ZNF281: variants seen among roughly 807,000 people sequenced by gnomAD.
ZNF281 encodes the protein zinc finger protein 281, also known as GC-box-binding zinc finger protein 1.
ZNF281 carries 2 observed loss-of-function variants against 58.8 expected under a neutral mutation model. The ratio of observed to expected loss-of-function variants is 0.03; its 90% confidence interval spans 0.01 to 0.11. The LOEUF is 0.11. Ranked by LOEUF, ZNF281 falls within the 10% of genes least tolerant of loss-of-function variation. The pLI is 1.00. For synonymous variants in ZNF281, 465 were observed against 407.7 expected, an observed-to-expected ratio of 1.14 and a Z score of -1.69; for missense variants, 975 against 1,090.7, an observed-to-expected ratio of 0.89 and a Z score of 1.49.
Position 200,408,950 on chromosome 1 carries a change from G to A in ZNF281, c.756C>T (p.Ala252=). The change falls in exon 2 of 2, where the codon GCC becomes GCT. Residue 252 remains alanine, a synonymous_variant. Coordinates refer to ENST00000367353, the MANE Select transcript of ZNF281 (RefSeq NM_001281293.2). ...GAGGTTTCTGACTTGGGGAGAGGAT[G>A]GCACCTTCTCCATCTCCAACCAAAG... The part of the protein sequence containing the change: ...KPSLVGDGEG[A]ILSPSQKPHI... 1 of 1,614,240 alleles carries A rather than the reference G, an allele frequency of 6.2e-7. No homozygotes were observed. The highest frequency in any genetic ancestry group is 8.5e-7 in the Non-Finnish European group (1 of 1,180,048).
Position 200,408,788 on chromosome 1 carries a change from T to C in ZNF281, c.918A>G (p.Arg306=), listed in dbSNP as rs1654525728. ...TCTCTCTACTATGAATTTTCTCATG[T>C]CTCTGTAGTAGGTATTTCTGAATGA... ...MGFIQKYLLQ[R]HEKIHSREKP... Residue 306 remains arginine (R), a synonymous_variant, in exon 2 of 2, where the codon AGA becomes AGG. Coordinates refer to ENST00000367353, the MANE Select transcript of ZNF281 (RefSeq NM_001281293.2). 6.2e-7 allele frequency: 1 copy of C among 1,614,080 alleles called. No homozygotes were observed. The highest frequency in any genetic ancestry group is 1.1e-5 in the South Asian group (1 of 91,094).
rs776874047 is a variant in ZNF281 at position 200,409,067 on chromosome 1, C to T, written c.639G>A (p.Lys213=). 1.4e-5 allele frequency: 23 copies of T among 1,614,048 alleles called. No homozygotes were observed. In the Middle Eastern group the frequency reaches 6.6e-4, roughly 46 times the overall value. Residue 213 remains lysine, a synonymous_variant, in exon 2 of 2, where the codon AAG becomes AAA. Coordinates refer to ENST00000367353, the MANE Select transcript of ZNF281 (RefSeq NM_001281293.2). ...TDDHHGTEEP[K]QDTNVKKAKR... ...TTGCCTTTTTGACATTAGTGTCCTGCTTTGGCTCCTCAGTGCCATGGTGGT... is the reference window on the plus strand; with the variant it reads ...TTGCCTTTTTGACATTAGTGTCCTGTTTTGGCTCCTCAGTGCCATGGTGGT...
In ZNF281 at chr1:200,407,700, G is replaced by A; in HGVS notation, c.2006C>T (p.Ser669Phe). 1 of 1,614,180 alleles carries A rather than the reference G, an allele frequency of 6.2e-7. No individual in the cohort carries two copies. The highest frequency in any genetic ancestry group is 8.5e-7 in the Non-Finnish European group (1 of 1,180,034). Residue 669 changes from serine (S) to phenylalanine (F), a missense_variant, in exon 2 of 2, where the codon TCC becomes TTC. Coordinates refer to ENST00000367353, the MANE Select transcript of ZNF281 (RefSeq NM_001281293.2). The stretch of plus-strand genomic sequence containing the variant: ...TTCAAAAGCCTGTTGGAGGTATTTG[G>A]AGTATTCTTGCAACATACTTGCTTT... ...NDKASMLQEYSKYLQQAFEKS... is the reference protein window; with the variant it reads ...NDKASMLQEYFKYLQQAFEKS...
At position 200,409,600 on chromosome 1, in the gene ZNF281, T is replaced by A. The variant is rs755267577; in HGVS notation, c.106A>T (p.Ser36Cys). Residue 36 changes from serine to cysteine, a missense_variant, in exon 2 of 2, where the codon AGC (serine) becomes TGC (cysteine). Coordinates refer to ENST00000367353, the MANE Select transcript of ZNF281 (RefSeq NM_001281293.2). ...GSGGGGGGGS[S>C]GRRAEMEPTF... The stretch of plus-strand genomic sequence containing the variant: ...GGTTCCATCTCTGCCCTCCTGCCGC[T>A]GCTGCCGCCGCCGCCGCCGCCGCCA... The A allele has an allele frequency of 6.5e-7, 1 of 1,547,956 alleles. No homozygotes were observed. Among genetic ancestry groups the A allele is most frequent in the Admixed American group, 2.0e-5 (1 of 50,894 alleles).
rs1169295790 is a variant in ZNF281, at chr1:200,409,594, TGCCGCTGCTGCC to T, written c.100_111del (p.Gly34_Gly37del). ...AAGGTGGGTTCCATCTCTGCCCTCC[TGCCGCTGCTGCC>T]GCCGCCGCCGCCGCCGCCACTACCA... On this transcript the variant is annotated inframe_deletion, in exon 2 of 2. Coordinates refer to ENST00000367353, the MANE Select transcript of ZNF281 (RefSeq NM_001281293.2). The T allele has an allele frequency of 3.9e-6, 6 of 1,548,314 alleles. No individual in the cohort carries two copies. In the Admixed American group the frequency reaches 9.8e-5, roughly 25 times the overall value.
rs1219834379 is a variant in ZNF281, at chr1:200,408,576, C to T, written c.1130G>A (p.Ser377Asn). 1.2e-6 allele frequency: 2 copies of T among 1,614,222 alleles called. No homozygotes were observed. Among genetic ancestry groups the T allele is most frequent in the South Asian group, 2.2e-5 (2 of 91,084 alleles). ...CGEVIVKGAT[S>N]AEPGSSNHTN... Reference sequence around the variant, plus strand: ...ATGGTTTGATGACCCAGGTTCTGCACTAGTGGCTCCTTTAACTATGACTTC... The same window carrying T: ...ATGGTTTGATGACCCAGGTTCTGCATTAGTGGCTCCTTTAACTATGACTTC... Residue 377 changes from serine to asparagine, a missense_variant, in exon 2 of 2, where the codon AGT becomes AAT. Coordinates refer to ENST00000367353, the MANE Select transcript of ZNF281 (RefSeq NM_001281293.2).
chr1:200,407,759 A>G lies in ZNF281; in HGVS notation c.1947T>C (p.Asn649=), dbSNP rs201094562. ...AAGGTGTTTGGGTGCCTGGGCTCAAATTTTCTTCTTGAACCAATTCTGAGT... is the reference window on the plus strand; with the variant it reads ...AAGGTGTTTGGGTGCCTGGGCTCAAGTTTTCTTCTTGAACCAATTCTGAGT... ...GEHSELVQEE[N]LSPGTQTPSN... is the part of the protein sequence containing the mutation. Residue 649 remains asparagine, a synonymous_variant, in exon 2 of 2, where the codon AAT becomes AAC. Coordinates refer to ENST00000367353, the MANE Select transcript of ZNF281 (RefSeq NM_001281293.2). The G allele has an allele frequency of 2.4e-5, 38 of 1,613,956 alleles. No homozygotes were observed. Among genetic ancestry groups the G allele is most frequent in the African/African-American group, 9.3e-5 (7 of 74,886 alleles).
rs377035676 is a variant in ZNF281, at chr1:200,408,227, T to C, written c.1479A>G (p.Lys493=). The change falls in exon 2 of 2, where the codon AAA becomes AAG. Residue 493 remains lysine, a synonymous_variant. Transcript: ENST00000367353. The part of the protein sequence containing the change: ...VSPLPDIVGQ[K]SLSGKPSGSL... ...AGCCACTTGGTTTTCCAGACAAGGATTTCTGTCCTACTATGTCTGGTAATG... is the reference window on the plus strand; with the variant it reads ...AGCCACTTGGTTTTCCAGACAAGGACTTCTGTCCTACTATGTCTGGTAATG... 66 of 1,612,478 alleles carry C rather than the reference T, an allele frequency of 4.1e-5. No homozygotes were observed. The Middle Eastern group carries it at 1.2e-3, about 28-fold the overall frequency.
rs764909414 is a variant in ZNF281, at chr1:200,409,336, A to G, written c.370T>C (p.Leu124=). The G allele has an allele frequency of 8.9e-6, 14 of 1,569,430 alleles. No homozygotes were observed. The East Asian group carries it at 3.3e-4, about 37-fold the overall frequency. ...GGTTTCTCCTGTTTGATGCTAACCA[A>G]AGACTGCAAGAACCCCCAGGAGGTC... ...QRTSWGFLQS[L]VSIKQEKPAD... Residue 124 remains leucine, a synonymous_variant, in exon 2 of 2, where the codon TTG becomes CTG. Coordinates refer to ENST00000367353, the MANE Select transcript of ZNF281 (RefSeq NM_001281293.2).
chr1:200,405,806 C>G lies in ZNF281; in HGVS notation c.*1212G>C, dbSNP rs1443705090. 1 of 151,684 alleles carries G rather than the reference C, an allele frequency of 6.6e-6. No homozygotes were observed. Among genetic ancestry groups the G allele is most frequent in the East Asian group, 1.9e-4 (1 of 5,170 alleles). 9.4% of individuals were successfully genotyped at this position (151,684 alleles called of 1,614,324 possible). A position where few individuals can be genotyped will look rare whatever the true frequency, so the allele number is the denominator to read the frequency against. On this transcript the variant is annotated 3_prime_UTR_variant, in exon 2 of 2. Coordinates refer to ENST00000367353, the MANE Select transcript of ZNF281 (RefSeq NM_001281293.2). ...GTTATGTCACCAGTTGGAATTACAACCTTATTAATATCTATCCAAGAACAC... is the reference window on the plus strand; with the variant it reads ...GTTATGTCACCAGTTGGAATTACAAGCTTATTAATATCTATCCAAGAACAC...
Position 200,407,913 on chromosome 1 carries a change from T to C in ZNF281, c.1793A>G (p.Asp598Gly), listed in dbSNP as rs749404520. The change falls in exon 2 of 2, where the codon GAC becomes GGC. Residue 598 changes from aspartate (D) to glycine (G), a missense_variant. This residue lies in a region of ZNF281 where 579 missense variants were observed against 608.9 expected (regional missense o/e 0.95). Coordinates refer to ENST00000367353, the MANE Select transcript of ZNF281 (RefSeq NM_001281293.2). Reference protein sequence around the residue: ...ALNAEIKSCHDKSGIPDEVLQ... With the variant: ...ALNAEIKSCHGKSGIPDEVLQ... ...AACCTCATCAGGAATTCCAGACTTG[T>C]CATGACAAGATTTAATTTCAGCATT... is the stretch of plus-strand genomic sequence containing the variant. The C allele has an allele frequency of 9.9e-6, 16 of 1,614,036 alleles. No individual in the cohort carries two copies. Among genetic ancestry groups the C allele is most frequent in the Admixed American group, 3.3e-5 (2 of 60,004 alleles).
In ZNF281 at chr1:200,407,146, T is replaced by G. The variant is rs772009235; in HGVS notation, c.2560A>C (p.Asn854His). Residue 854 changes from asparagine (N) to histidine (H), a missense_variant, in exon 2 of 2, where the codon AAT (asparagine) becomes CAT (histidine). By Grantham distance (68) the Asn-to-His change is moderately conservative. Coordinates refer to ENST00000367353, the MANE Select transcript of ZNF281 (RefSeq NM_001281293.2). ...RVPMTFITNS[N>H]GEVDHRVRTS... ...CTTACTCTATGGTCCACTTCTCCAT[T>G]AGAGTTAGTGATAAAGGTCATTGGC... The G allele has an allele frequency of 1.9e-6, 3 of 1,614,156 alleles. No homozygotes were observed. Among genetic ancestry groups the G allele is most frequent in the Non-Finnish European group, 1.7e-6 (2 of 1,180,016 alleles).
Position 200,407,504 on chromosome 1 carries a change from C to G in ZNF281, c.2202G>C (p.Lys734Asn). ...ATCCAAACAACATCCCAAAAGGAGG[C>G]TTTGGCAATGAAGATGGCAACACTG... ...VTSVLPSSLP[K>N]PPFGMLFGSQ... is the part of the protein sequence containing the mutation. Residue 734 changes from lysine (K) to asparagine (N), a missense_variant, in exon 2 of 2, where the codon AAG becomes AAC. Around this residue, in one of 3 missense-constraint regions of ZNF281, gnomAD observed 579 missense variants for 608.9 expected, o/e 0.95. Coordinates refer to ENST00000367353, the MANE Select transcript of ZNF281 (RefSeq NM_001281293.2). The G allele has an allele frequency of 1.9e-6, 3 of 1,614,152 alleles. No homozygotes were observed. The highest frequency in any genetic ancestry group is 2.5e-6 in the Non-Finnish European group (3 of 1,180,020).
intron 1 of ZNF281, 62 bp from the exon 2 acceptor site, chr1:200,409,785 G>C: frequency 1.3e-6 from 2 of 1,506,982 alleles, no homozygotes; most frequent in Non-Finnish European, 8.8e-7. Flanking sequence ...GCCCCGGGCC[G>C]GGACCACCGC....
Position 200,407,195 on chromosome 1 carries a change from A to G in ZNF281, c.2511T>C (p.Ser837=). The change falls in exon 2 of 2, where the codon TCT becomes TCC. Residue 837 remains serine (S), a synonymous_variant. Coordinates refer to ENST00000367353, the MANE Select transcript of ZNF281 (RefSeq NM_001281293.2). ...QIENFAQAFG[S]QFKSGSRVPM... is the part of the protein sequence containing the mutation. ...GCACCCTGCTGCCCGACTTAAACTG[A>G]GAACCAAACGCTTGTGCAAAGTTCT... is the stretch of plus-strand genomic sequence containing the variant. 4 of 1,614,226 alleles carry G rather than the reference A, an allele frequency of 2.5e-6. No homozygotes were observed. The highest frequency in any genetic ancestry group is 2.5e-6 in the Non-Finnish European group (3 of 1,180,042).
At position 200,407,433 on chromosome 1, in the gene ZNF281, T is replaced by G; in HGVS notation, c.2273A>C (p.Gln758Pro). 1.2e-6 allele frequency: 2 copies of G among 1,614,222 alleles called. No individual in the cohort carries two copies. The highest frequency in any genetic ancestry group is 1.7e-6 in the Non-Finnish European group (2 of 1,180,040). The change falls in exon 2 of 2, where the codon CAG becomes CCG. Residue 758 changes from glutamine (Q) to proline (P), a missense_variant. Gln to Pro is a moderately conservative substitution (Grantham distance 76). Coordinates refer to ENST00000367353, the MANE Select transcript of ZNF281 (RefSeq NM_001281293.2). ...ATCCAGCTCCTGGGAAGGTGTCAAC[T>G]GCTGATGTGTAGCATCCAAAGCAGA... Reference protein sequence around the residue: ...YLSALDATHQQLTPSQELDDL... With the variant: ...YLSALDATHQPLTPSQELDDL...
chr1:200,408,116 A>C lies in ZNF281; in HGVS notation c.1590T>G (p.Asn530Lys). The C allele has an allele frequency of 6.2e-7, 1 of 1,614,162 alleles. No individual in the cohort carries two copies. The highest frequency in any genetic ancestry group is 8.5e-7 in the Non-Finnish European group (1 of 1,180,030). Residue 530 changes from asparagine to lysine, a missense_variant, in exon 2 of 2, where the codon AAT becomes AAG. Physicochemically the swap from Asn to Lys is moderately conservative, Grantham distance 94. Transcript: ENST00000367353. Reference sequence around the variant, plus strand: ...TTGAAAACTGCATGGCATCATCATAATTACTACTTATCTGACCTTGTTTGC... The same window carrying C: ...TTGAAAACTGCATGGCATCATCATACTTACTACTTATCTGACCTTGTTTGC... Reference protein sequence around the residue: ...TSGKQGQISSNYDDAMQFSKK... With the variant: ...TSGKQGQISSKYDDAMQFSKK...
At position 200,407,941 on chromosome 1, in the gene ZNF281, G is replaced by C; in HGVS notation, c.1765C>G (p.Leu589Val). The C allele has an allele frequency of 1.2e-6, 2 of 1,614,124 alleles. No individual in the cohort carries two copies. Among genetic ancestry groups the C allele is most frequent in the Non-Finnish European group, 8.5e-7 (1 of 1,180,012 alleles). Reference sequence around the variant, plus strand: ...TGACAAGATTTAATTTCAGCATTTAGAGCTGAGGAGTCAATAAGTGACAAT... The same window carrying C: ...TGACAAGATTTAATTTCAGCATTTACAGCTGAGGAGTCAATAAGTGACAAT... The part of the protein sequence containing the change: ...APLSLIDSSA[L>V]NAEIKSCHDK... Residue 589 changes from leucine (L) to valine (V), a missense_variant, in exon 2 of 2, where the codon CTA (leucine) becomes GTA (valine). Around this residue, in one of 3 missense-constraint regions of ZNF281, gnomAD observed 579 missense variants for 608.9 expected, o/e 0.95. Transcript: ENST00000367353.
At position 200,409,488 on chromosome 1, in the gene ZNF281, G is replaced by A; in HGVS notation, c.218C>T (p.Pro73Leu). Residue 73 changes from proline to leucine, a missense_variant, in exon 2 of 2, where the codon CCC (proline) becomes CTC (leucine). Pro to Leu is a moderately conservative substitution (Grantham distance 98). Around this residue, in one of 3 missense-constraint regions of ZNF281, gnomAD observed 370 missense variants for 360.9 expected, o/e 1.03. Coordinates refer to ENST00000367353, the MANE Select transcript of ZNF281 (RefSeq NM_001281293.2). ...FTRPAGSAAP[P>L]PQCVLSSSTS... ...AGAGGAGGATAACACGCATTGCGGG[G>A]GAGGGGCGGCCGACCCCGCCGGCCG... The A allele has an allele frequency of 1.3e-6, 2 of 1,548,386 alleles. No individual in the cohort carries two copies. Among genetic ancestry groups the A allele is most frequent in the Non-Finnish European group, 1.7e-6 (2 of 1,145,820 alleles).
Sources: gnomAD v4.1 joint callset for allele counts on GRCh38, gnomAD v4.1.1 for gene constraint, gnomAD v4.1.1 regional missense constraint, MANE v1.5 for transcripts, NCBI Gene and HGNC (gene_info 2026-07-23, HGNC 2026-07-21) for gene names.